ADGRE3: variants seen among roughly 807,000 people sequenced by gnomAD.
ADGRE3 encodes the protein adhesion G protein-coupled receptor E3.
A neutral mutation model predicts 80.1 loss-of-function variants in ADGRE3; 88 were observed. The observed-to-expected ratio is 1.10, with a 90% confidence interval of 0.93 to 1.31. The LOEUF is 1.31. Ranked by LOEUF, ADGRE3 falls within the 40% of genes most tolerant of loss-of-function variation. The pLI, the probability that ADGRE3 is intolerant of heterozygous loss-of-function variation, is 0.00. For synonymous variants in ADGRE3, 281 were observed against 294.8 expected, an observed-to-expected ratio of 0.95 and a Z score of 0.48; for missense variants, 715 against 776.5, an observed-to-expected ratio of 0.92 and a Z score of 0.94.
chr19:14,664,532 A>C (rs2146900796), intron 2 of ADGRE3, among the ~76,000 whole-genome samples: 1 of 152,050 alleles, frequency 6.6e-6, no homozygotes, highest in East Asian at 1.9e-4. Context: ...ATAGCAAGAC[A>C]CTATTGCTAT....
Position 14,638,109 on chromosome 19 carries a change from C to A in ADGRE3, c.1480G>T (p.Asp494Tyr). The change falls in exon 11 of 16, where the codon GAT becomes TAT. Residue 494 changes from aspartate (D) to tyrosine (Y), a missense_variant. Asp to Tyr is a radical substitution (Grantham distance 160). Transcript: ENST00000253673. ...CAAGGTGGGATTCAAGCTCACCGAT[C>A]AGCAGTTCCATAAAGGTGAGGCCAG... ...ASWPHLYGTA[D>Y]RCWLHLDQGF... The A allele has an allele frequency of 6.2e-7, 1 of 1,612,024 alleles. No homozygotes were observed. The highest frequency in any genetic ancestry group is 8.5e-7 in the Non-Finnish European group (1 of 1,178,116).
At position 14,649,013 on chromosome 19, in the gene ADGRE3, T is replaced by A. The variant is rs917165873; in HGVS notation, c.698-1648A>T. 4.2e-5 allele frequency among the ~76,000 whole-genome samples: 6 copies of A among 142,770 alleles called. No individual in the cohort carries two copies. In the Admixed American group the frequency reaches 4.2e-4, roughly 10 times the overall value. The allele number at this position is 142,770 out of a possible 152,430, so 93.7% of individuals were successfully genotyped here. On this transcript the variant is annotated intron_variant, in intron 7 of 15. Transcript: ENST00000253673. ...CTCTCTCTTTCGATCTCTCTTTTGA[T>A]CTCTTTCCACATCTCTCTCTTTCCA...
At chr19:14,615,225 TGAGATGGAGTCTCAC>T (rs2075068882), downstream of ADGRE3, among the ~76,000 whole-genome samples, 1 of 136,014 alleles carries the variant, frequency 7.4e-6, no homozygotes, top group African/African-American at 2.8e-5. Flanking sequence ...TTTTTTTTTT[TGAGATGGAGTCTCAC>T]TCTGTTGCCC....
chr19:14,625,470 A>C (rs1016980972), intron 15 of ADGRE3, 22 bp downstream of exon 15: 8 of 1,427,156 alleles, frequency 5.6e-6, no homozygotes, highest in Non-Finnish European at 6.9e-6. Context: ...AAACATTAGA[A>C]CAATTCAGAT....
chr19:14,653,958 T>A (rs1185582130), intron 6 of ADGRE3, among the ~76,000 whole-genome samples: 1 of 150,970 alleles, frequency 6.6e-6, no homozygotes, highest in Non-Finnish European at 1.5e-5. Context: ...TTTTTTTTTT[T>A]TTTTTTTAAT....
At chr19:14,620,548 T>TAATTA in intron 15 of ADGRE3, among the ~76,000 whole-genome samples, 1 of 24,976 alleles carries the variant, frequency 4.0e-5, no homozygotes, top group African/African-American at 2.1e-4. Flanking sequence ...TATATATATA[T>TAATTA]TATATATATA....
chr19:14,620,385 T>G (rs548344538), intron 15 of ADGRE3, among the ~76,000 whole-genome samples: 57 of 149,146 alleles, frequency 3.8e-4, no homozygotes, highest in African/African-American at 1.3e-3. Context: ...GAGATTCATA[T>G]ATACATGTAT....
intron 14 of ADGRE3, 24 bp downstream of exon 14, chr19:14,630,015 A>G (rs765800826): frequency 1.3e-6 from 2 of 1,520,076 alleles, no homozygotes; most frequent in South Asian, 2.6e-5. Context: ...AGTTTAAATA[A>G]CAAAGAAAGG....
downstream of ADGRE3, among the ~76,000 whole-genome samples, chr19:14,614,738 T>C (rs1223105918): frequency 2.0e-5 from 3 of 151,820 alleles, no homozygotes; most frequent in African/African-American, 7.3e-5. Flanking sequence ...TAATGCCCAG[T>C]GAATTTTTTC....
the ADGRE3 span, among the ~76,000 whole-genome samples, chr19:14,611,831 A>G: frequency 2.0e-5 from 3 of 151,914 alleles, no homozygotes; most frequent in Non-Finnish European, 4.4e-5. Flanking sequence ...GTAAAATCCT[A>G]TCTCTACTAA....
At chr19:14,610,342 C>T in the ADGRE3 span, 13 of 1,142,550 alleles carry the variant, frequency 1.1e-5, no homozygotes, top group South Asian at 3.1e-5. Flanking sequence ...CAGCAAGTTC[C>T]CAGGGGTGCA....
chr19:14,617,204 CCT>C, downstream of ADGRE3, among the ~76,000 whole-genome samples: 1 of 147,936 alleles, frequency 6.8e-6, no homozygotes, highest in Admixed American at 6.7e-5. Context: ...GAACATGTGT[CCT>C]CTCTTTTCCT....
At position 14,647,226 on chromosome 19, in the gene ADGRE3, G is replaced by C; in HGVS notation, c.837C>G (p.Asn279Lys). Reference protein sequence around the residue: ...VVSAAIGPKRNVSLSKSVTLT... With the variant: ...VVSAAIGPKRKVSLSKSVTLT... The stretch of plus-strand genomic sequence containing the variant: ...GCGTCACAGACTTGGAGAGAGACAC[G>C]TTCCTTTTGGGTCCAATAGCAGCAC... The change falls in exon 8 of 16, where the codon AAC becomes AAG. Residue 279 changes from asparagine to lysine, a missense_variant. By Grantham distance (94) the Asn-to-Lys change is moderately conservative. Transcript: ENST00000253673. The C allele has an allele frequency of 6.2e-7, 1 of 1,613,916 alleles. No individual in the cohort carries two copies. Among genetic ancestry groups the C allele is most frequent in the Non-Finnish European group, 8.5e-7 (1 of 1,179,934 alleles).
rs1264748220 is a variant in ADGRE3, at chr19:14,668,814, G to A, written c.64C>T (p.Gln22Ter). 1 of 1,614,038 alleles carries A rather than the reference G, an allele frequency of 6.2e-7. No homozygotes were observed. The highest frequency in any genetic ancestry group is 1.7e-5 in the Admixed American group (1 of 60,000). ...TCTGAGCACTCACTTTTGGTTTTCT[G>A]AGTCACAGCTCCAAAGAGGCTCAGC... ...FLLSLFGAVT[Q>*]KTKTSCAKCP... Residue 22 changes from glutamine (Q) to a stop codon, truncating the protein, a stop_gained, in exon 2 of 16, where the codon CAG (glutamine) becomes TAG (stop). Coordinates refer to ENST00000253673, the MANE Select transcript of ADGRE3 (RefSeq NM_032571.5). LOFTEE classifies it high-confidence loss of function.
At position 14,663,425 on chromosome 19, in the gene ADGRE3, T is replaced by C. The variant is rs1972007515; in HGVS notation, c.192A>G (p.Thr64=). Residue 64 remains threonine (T), a synonymous_variant, in exon 3 of 16, where the codon ACA becomes ACG. Coordinates refer to ENST00000253673, the MANE Select transcript of ADGRE3 (RefSeq NM_032571.5). ...GQKLFTFPLE[T]CNDINECTPP... ...ATAATAATACTTCTTTACCGTTACA[T>C]GTCTCCAAGGGGAATGTGAATAGTT... 1.3e-6 allele frequency: 2 copies of C among 1,586,306 alleles called. No homozygotes were observed. Among genetic ancestry groups the C allele is most frequent in the Non-Finnish European group, 1.7e-6 (2 of 1,161,590 alleles).
chr19:14,620,094 T>C (rs1352965417), intron 15 of ADGRE3, among the ~76,000 whole-genome samples: 3 of 152,208 alleles, frequency 2.0e-5, no homozygotes, highest in Non-Finnish European at 4.4e-5. Context: ...GCGACCTATC[T>C]GATCTTCCAA....
At chr19:14,642,367 T>C (rs1971278511) in intron 9 of ADGRE3, among the ~76,000 whole-genome samples, 1 of 152,130 alleles carries the variant, frequency 6.6e-6, no homozygotes, top group Non-Finnish European at 1.5e-5. Flanking sequence ...AAAGTGTCTT[T>C]GTATGCAGAG....
At chr19:14,633,792 T>TTG (rs1970957424) in intron 11 of ADGRE3, among the ~76,000 whole-genome samples, 1 of 149,446 alleles carries the variant, frequency 6.7e-6, no homozygotes, top group Non-Finnish European at 1.5e-5. Flanking sequence ...TTTTTTTTTT[T>TTG]TTGAGACAGG....
intron 1 of ADGRE3, among the ~76,000 whole-genome samples, chr19:14,673,839 A>T (rs2146920687): frequency 6.6e-6 from 1 of 152,310 alleles, no homozygotes; most frequent in East Asian, 1.9e-4. Flanking sequence ...CAAATGATGT[A>T]CATTGTAACC....
Sources: gnomAD v4.1 joint callset for allele counts (sites outside exome capture counted in the v4.1 genomes callset) on GRCh38, gnomAD v4.1.1 for gene constraint, MANE v1.5 for transcripts, NCBI Gene and HGNC (gene_info 2026-07-23, HGNC 2026-07-21) for gene names.